PDLIM1: variants seen among roughly 807,000 people sequenced by gnomAD.
PDLIM1 encodes the protein PDZ and LIM domain protein 1.
Under a neutral mutation model 35.2 loss-of-function variants are expected in PDLIM1, and 25 were observed. The observed-to-expected ratio is 0.71, with a 90% CI of 0.52 to 0.99. The LOEUF (loss-of-function observed/expected upper bound fraction) is 0.99, where lower values mean the gene tolerates loss of function less well. Ranked by LOEUF, PDLIM1 falls within the 50% of genes least tolerant of loss-of-function variation. PDLIM1 has a pLI of 0.00. For synonymous variants in PDLIM1, 152 were observed against 154.0 expected, an observed-to-expected ratio of 0.99 and a Z score of 0.10; for missense variants, 363 against 415.3, an observed-to-expected ratio of 0.87 and a Z score of 1.09.
At chr10:95,238,743 TC>T (rs2035148683) in intron 5 of PDLIM1, 58 bp from the exon 6 acceptor site, 3 of 1,032,190 alleles carry the variant, frequency 2.9e-6, no homozygotes, top group South Asian at 2.5e-5. Context: ...TAAGTATCAC[TC>T]AGCTCTTCAG....
chr10:95,290,894 G>T lies in PDLIM1; in HGVS notation c.22C>A (p.Leu8Ile). The change falls in exon 1 of 7, where the codon CTC (leucine) becomes ATC (isoleucine). Residue 8 changes from leucine to isoleucine, a missense_variant. By Grantham distance (5) the Leu-to-Ile change is conservative (BLOSUM62 2). Coordinates refer to ENST00000329399, the MANE Select transcript of PDLIM1 (RefSeq NM_020992.4). The surrounding 1 kb of genome is among the most constrained non-coding windows in gnomAD (Gnocchi z 4.7). MTTQQID[L>I]QGPGPWGFRL... ...AAGCCCCACGGCCCCGGGCCCTGGA[G>T]GTCTATCTGCTGGGTGGTCATGGCG... 6.4e-7 allele frequency: 1 copy of T among 1,562,858 alleles called. No individual in the cohort carries two copies. The highest frequency in any genetic ancestry group is 1.4e-5 in the African/African-American group (1 of 71,034).
rs61442624 is a variant in PDLIM1 at position 95,276,896 on chromosome 10, T to TAAAAAAA, written c.97-5119_97-5113dup. 3.1e-3 allele frequency among the ~76,000 whole-genome samples: 215 copies of TAAAAAAA among 68,872 alleles called. 6 individuals carry two copies. Among genetic ancestry groups the TAAAAAAA allele is most frequent in the Middle Eastern group, 0.02 (1 of 50 alleles). The allele number at this position is 68,872 out of a possible 152,430, so 45.2% of individuals were successfully genotyped here. On this transcript the variant is annotated intron_variant, in intron 1 of 6. Coordinates refer to ENST00000329399, the MANE Select transcript of PDLIM1 (RefSeq NM_020992.4). ...CATAATAGAGTCAGCTTCAGTTTCCTAAAAAAAAAAAAAAAAAAAAAAAAA... is the reference window on the plus strand; with the variant it reads ...CATAATAGAGTCAGCTTCAGTTTCCTAAAAAAAAAAAAAAAAAAAAAAAAAAAAAAAA...
At chr10:95,279,684 A>G (rs548622447) in intron 1 of PDLIM1, among the ~76,000 whole-genome samples, 1 of 152,340 alleles carries the variant, frequency 6.6e-6, no homozygotes, top group South Asian at 2.1e-4. Context: ...TCCCTGTGCT[A>G]GAAATGGTTT....
At chr10:95,242,224 G>A (rs1011253834) in intron 5 of PDLIM1, among the ~76,000 whole-genome samples, 1 of 152,104 alleles carries the variant, frequency 6.6e-6, no homozygotes, top group Non-Finnish European at 1.5e-5. Flanking sequence ...TGTTCTCCCC[G>A]AGCCTAGGGC....
chr10:95,262,002 C>G (rs1454292457), intron 4 of PDLIM1, among the ~76,000 whole-genome samples: 1 of 139,010 alleles, frequency 7.2e-6, no homozygotes, highest in African/African-American at 2.6e-5. Flanking sequence ...GAGTGAAACT[C>G]CGTCTCAAAA....
chr10:95,247,176 C>G, intron 5 of PDLIM1, 39 bp downstream of exon 5: 1 of 1,587,960 alleles, frequency 6.3e-7, no homozygotes, highest in Non-Finnish European at 8.6e-7. Context: ...CACATCTGAC[C>G]TTGAACAAGA....
intron 4 of PDLIM1, among the ~76,000 whole-genome samples, chr10:95,254,126 T>A (rs1405201030): frequency 6.6e-6 from 1 of 152,026 alleles, no homozygotes; most frequent in Non-Finnish European, 1.5e-5. Context: ...CCCTAACATA[T>A]CAATCATCGC....
chr10:95,290,857 C>G lies in PDLIM1; in HGVS notation c.59G>C (p.Gly20Ala). 1 of 1,564,974 alleles carries G rather than the reference C, an allele frequency of 6.4e-7. No individual in the cohort carries two copies. Among genetic ancestry groups the G allele is most frequent in the Non-Finnish European group, 8.7e-7 (1 of 1,155,404 alleles). Residue 20 changes from glycine (G) to alanine (A), a missense_variant, in exon 1 of 7, where the codon GGC becomes GCC. By Grantham distance (60) the Gly-to-Ala change is moderately conservative. Transcript: ENST00000329399. The surrounding 1 kb of genome is among the most constrained non-coding windows in gnomAD (Gnocchi z 4.7). ...GPGPWGFRLV[G>A]GKDFEQPLAI... ...GAGAGGCTGCTCGAAGTCCTTGCCG[C>G]CCACGAGGCGGAAGCCCCACGGCCC...
At chr10:95,288,340 T>G (rs2035619648) in intron 1 of PDLIM1, among the ~76,000 whole-genome samples, 1 of 152,200 alleles carries the variant, frequency 6.6e-6, no homozygotes, top group South Asian at 2.1e-4. Flanking sequence ...CAGCCTAATT[T>G]TATGGTTTGC....
chr10:95,269,406 C>T (rs576894532), intron 2 of PDLIM1, among the ~76,000 whole-genome samples: 10 of 151,772 alleles, frequency 6.6e-5, no homozygotes, highest in African/African-American at 2.4e-4. Context: ...ACCCCATCTC[C>T]ACTAAAAATA....
intron 3 of PDLIM1, among the ~76,000 whole-genome samples, chr10:95,265,807 C>T (rs896719103): frequency 1.3e-5 from 2 of 151,944 alleles, no homozygotes; most frequent in Admixed American, 1.3e-4. Context: ...AGGGCTGAGG[C>T]AGGAGGATCA....
chr10:95,243,024 G>A (rs2035191246), intron 5 of PDLIM1, among the ~76,000 whole-genome samples: 1 of 152,162 alleles, frequency 6.6e-6, no homozygotes, highest in South Asian at 2.1e-4. Context: ...AAATCACCAG[G>A]AAAGAAGAGA....
chr10:95,255,588 A>T (rs543364017), intron 4 of PDLIM1, among the ~76,000 whole-genome samples: 1 of 152,346 alleles, frequency 6.6e-6, no homozygotes, highest in East Asian at 1.9e-4. Context: ...ACAAACTTTC[A>T]TGATAAAAAT....
At chr10:95,256,994 G>GAAAAGAAAAGA (rs773386796) in intron 4 of PDLIM1, among the ~76,000 whole-genome samples, 1 of 110,174 alleles carries the variant, frequency 9.1e-6, no homozygotes, top group Non-Finnish European at 2.1e-5. Flanking sequence ...AAAAAAGAAA[G>GAAAAGAAAAGA]AAAGAAAGAA....
chr10:95,281,800 T>C (rs1001183389), intron 1 of PDLIM1, among the ~76,000 whole-genome samples: 14 of 152,330 alleles, frequency 9.2e-5, no homozygotes, highest in South Asian at 2.1e-4. Flanking sequence ...CCAGTAGAAG[T>C]ATAATAACTC....
At chr10:95,255,025 A>G (rs2035298078) in intron 4 of PDLIM1, among the ~76,000 whole-genome samples, 1 of 152,176 alleles carries the variant, frequency 6.6e-6, no homozygotes, top group African/African-American at 2.4e-5. Context: ...ACATTAACAA[A>G]TTAGAAAACC....
chr10:95,279,232 C>T (rs2035539812), intron 1 of PDLIM1, among the ~76,000 whole-genome samples: 1 of 152,194 alleles, frequency 6.6e-6, no homozygotes, highest in Admixed American at 6.5e-5. Flanking sequence ...CATTTAGCCA[C>T]AGGCTCTACC....
At chr10:95,252,675 AG>A (rs1475675551) in intron 4 of PDLIM1, among the ~76,000 whole-genome samples, 1 of 152,220 alleles carries the variant, frequency 6.6e-6, no homozygotes, top group Non-Finnish European at 1.5e-5. Context: ...AAACAAATAA[AG>A]TCTCAACAAA....
Position 95,238,696 on chromosome 10 carries a change from G to A in PDLIM1, c.686-11C>T, listed in dbSNP as rs1192665820. 1 of 1,525,348 alleles carries A rather than the reference G, an allele frequency of 6.6e-7. No individual in the cohort carries two copies. The highest frequency in any genetic ancestry group is 1.4e-5 in the African/African-American group (1 of 73,162). The allele number at this position is 1,525,348 out of a possible 1,614,324, so 94.5% of individuals were successfully genotyped here. On this transcript the variant is annotated splice_polypyrimidine_tract_variant and intron_variant, in intron 5 of 6. Transcript: ENST00000329399. ...GCTTGTTGGGATCCCCTGAAATGAG[G>A]AAAACACTGTCATTGGCCAGGAAGG...
Sources: gnomAD v4.1 joint callset for allele counts (sites outside exome capture counted in the v4.1 genomes callset) on GRCh38, gnomAD v4.1.1 for gene constraint, Gnocchi (gnomAD v3.1) non-coding constraint, MANE v1.5 for transcripts, NCBI Gene and HGNC (gene_info 2026-07-23, HGNC 2026-07-21) for gene names.